Variants in MID1 observed in about 807,000 individuals in gnomAD.
The protein encoded by MID1 is midline 1.
A neutral mutation model predicts 40.4 loss-of-function variants in MID1; 7 were observed. That is an observed-to-expected ratio of 0.17 (90% CI 0.10 to 0.33). The LOEUF (loss-of-function observed/expected upper bound fraction) is 0.33, where lower values mean the gene tolerates loss of function less well. Ranked by LOEUF, MID1 falls within the 10% of genes least tolerant of loss-of-function variation. MID1 has a pLI of 1.00. For missense variants in MID1, 367 were observed against 558.5 expected (o/e 0.66, Z 3.46); for synonymous variants, 229 against 221.2 (o/e 1.04, Z -0.31).
chrX:10,733,021 G>A (rs5934929), intron 1 of MID1, among the ~76,000 whole-genome samples: 2,599 of 110,045 alleles, frequency 0.024, 43 homozygotes, highest in Admixed American at 0.084. Context: ...CTGCCACTGC[G>A]CCCGGCTATT....
At chrX:10,813,751 G>A in intron 1 of MID1, among the ~76,000 whole-genome samples, 1 of 111,597 alleles carries the variant, frequency 9.0e-6, no homozygotes, top group Non-Finnish European at 1.9e-5. Context: ...TTTTCTCAGG[G>A]AATGCCTGGA....
chrX:10,522,764 G>A (rs1228871266), intron 3 of MID1, among the ~76,000 whole-genome samples: 1 of 111,950 alleles, frequency 8.9e-6, no homozygotes, highest in Non-Finnish European at 1.9e-5. Context: ...CCAAAGTGCT[G>A]GGGTTACAGG....
chrX:10,521,384 C>T (rs1468687226), intron 3 of MID1, among the ~76,000 whole-genome samples: 1 of 110,870 alleles, frequency 9.0e-6, no homozygotes, highest in Non-Finnish European at 1.9e-5. Context: ...TGACTCTGGT[C>T]CAGGGAACCA....
chrX:10,768,014 G>A (rs892385248), intron 1 of MID1, among the ~76,000 whole-genome samples: 4 of 111,595 alleles, frequency 3.6e-5, no homozygotes, highest in Non-Finnish European at 7.5e-5. Context: ...TGAATATATT[G>A]ACTTTATAAA....
intron 1 of MID1, among the ~76,000 whole-genome samples, chrX:10,767,509 C>T (rs765103408): frequency 1.9e-3 from 206 of 110,906 alleles, no homozygotes; most frequent in Non-Finnish European, 3.2e-3. Flanking sequence ...TTAGTAGAGA[C>T]GGGGTTTCAC....
intron 1 of MID1, among the ~76,000 whole-genome samples, chrX:10,605,148 T>C (rs1192647426): frequency 8.9e-6 from 1 of 112,403 alleles, no homozygotes; most frequent in Non-Finnish European, 1.9e-5. Flanking sequence ...GGGATTAAAG[T>C]GACATTATTA....
intron 1 of MID1, among the ~76,000 whole-genome samples, chrX:10,600,723 G>C (rs1935503636): frequency 8.9e-6 from 1 of 112,094 alleles, no homozygotes; most frequent in Non-Finnish European, 1.9e-5. Context: ...TAAGAGACTT[G>C]CGTGTTGAAA....
chrX:10,724,683 AGAAAGATAAAT>A (rs1420991933), intron 1 of MID1, among the ~76,000 whole-genome samples: 1 of 112,337 alleles, frequency 8.9e-6, no homozygotes, highest in Non-Finnish European at 1.9e-5. Context: ...TTGGAAAAAT[AGAAAGATAAAT>A]AAAATAAATA....
At chrX:10,727,410 T>C (rs927694140) in intron 1 of MID1, among the ~76,000 whole-genome samples, 3 of 113,090 alleles carry the variant, frequency 2.7e-5, no homozygotes, top group Non-Finnish European at 5.6e-5. Context: ...TGAGCCACTG[T>C]GCCCAGCCTC....
At chrX:10,663,075 C>T (rs1023336026) in intron 1 of MID1, among the ~76,000 whole-genome samples, 6 of 111,638 alleles carry the variant, frequency 5.4e-5, no homozygotes, top group East Asian at 2.8e-4. Context: ...CCTAGGAACA[C>T]GGCTCTGTAT....
intron 1 of MID1, among the ~76,000 whole-genome samples, chrX:10,575,221 G>A (rs1934840120): frequency 9.0e-6 from 1 of 111,673 alleles, no homozygotes; most frequent in Non-Finnish European, 1.9e-5. Flanking sequence ...TTTTTGCTAT[G>A]AGATTATCTT....
At chrX:10,535,601 A>G (rs939551443) in intron 2 of MID1, among the ~76,000 whole-genome samples, 14 of 111,790 alleles carry the variant, frequency 1.3e-4, no homozygotes, top group Non-Finnish European at 2.6e-4. Flanking sequence ...AGTATTCCCA[A>G]TGCCTAAAAA....
chrX:10,698,776 C>G (rs1020716029), intron 1 of MID1, among the ~76,000 whole-genome samples: 1 of 110,149 alleles, frequency 9.1e-6, no homozygotes, highest in African/African-American at 3.3e-5. Context: ...CCTCCTTCCC[C>G]GTAAAGGCAG....
chrX:10,639,708 A>G (rs950213995), intron 1 of MID1, among the ~76,000 whole-genome samples: 1 of 111,192 alleles, frequency 9.0e-6, no homozygotes, highest in Admixed American at 9.6e-5. Context: ...AAGACACATA[A>G]TTGTCAGATT....
rs1427384760 is a variant in MID1 at position 10,633,458 on chromosome X, C to CT, written c.-186-13040dup. On this transcript the variant is annotated intron_variant, in intron 1 of 10. Coordinates refer to the MID1 transcript ENST00000380785. ...AACTCTTGTGTATGTACTTTTTTTT[C>CT]TTTTTTTGAGACAAGGTCTCTCTCT... is the stretch of plus-strand genomic sequence containing the variant. Among the ~76,000 whole-genome samples the CT allele has an allele frequency of 8.2e-5, 9 of 109,498 alleles. No individual in the cohort carries two copies. The South Asian group carries it at 1.6e-3, about 19-fold the overall frequency.
chrX:10,549,571 T>C (rs1294361053), intron 2 of MID1, among the ~76,000 whole-genome samples: 2 of 113,769 alleles, frequency 1.8e-5, no homozygotes, highest in Admixed American at 1.8e-4. Context: ...AAAGATTTAG[T>C]AGCTAGTCCT....
chrX:10,686,692 A>G (rs746192818), intron 1 of MID1, among the ~76,000 whole-genome samples: 47 of 112,300 alleles, frequency 4.2e-4, no homozygotes, highest in Non-Finnish European at 7.3e-4. Flanking sequence ...GATCCACATC[A>G]GTAAAGAGAA....
intron 1 of MID1, among the ~76,000 whole-genome samples, chrX:10,634,535 ATT>A (rs112990830): frequency 3.8e-5 from 4 of 104,131 alleles, no homozygotes; most frequent in African/African-American, 1.4e-4. Flanking sequence ...CTATGGATAC[ATT>A]TTTTTTTTTT....
intron 1 of MID1, among the ~76,000 whole-genome samples, chrX:10,804,546 CCTT>C (rs1040557969): frequency 1.8e-5 from 2 of 111,434 alleles, no homozygotes; most frequent in African/African-American, 6.5e-5. Flanking sequence ...CCTAGAAACT[CCTT>C]CTTAAATCGA....
Sources: gnomAD v4.1 joint callset for allele counts (sites outside exome capture counted in the v4.1 genomes callset) on GRCh38, gnomAD v4.1.1 for gene constraint, MANE v1.5 for transcripts, NCBI Gene and HGNC (gene_info 2026-07-23, HGNC 2026-07-21) for gene names.